The following ERBIN variants were observed in gnomAD, a reference collection of about 807,000 sequenced individuals.
ERBIN encodes the protein erbb2 interacting protein.
A neutral mutation model predicts 158.4 loss-of-function variants in ERBIN; 60 were observed. The ratio of observed to expected loss-of-function variants is 0.38; its 90% CI spans 0.31 to 0.47. The LOEUF is 0.47. ERBIN is among the 20% of genes least tolerant of loss of function. The pLI, the probability that ERBIN is intolerant of heterozygous loss-of-function variation, is 0.99. For missense variants in ERBIN, 1,610 were observed against 1,648.0 expected (o/e 0.98, Z 0.40); for synonymous variants, 594 against 557.2 (o/e 1.07, Z -0.93).
At chr5:65,952,812 T>G (rs1294583183) in intron 1 of ERBIN, among the ~76,000 whole-genome samples, 15 of 152,240 alleles carry the variant, frequency 9.9e-5, no homozygotes, top group Admixed American at 4.6e-4. Flanking sequence ...ATGCTTTATT[T>G]AGATTGAGAT....
chr5:65,969,498 G>A lies in ERBIN; in HGVS notation c.-57-19137G>A, dbSNP rs563907246. On this transcript the variant is annotated intron_variant, in intron 1 of 25. Transcript: ENST00000284037. ...TAAAGAATCTGAGATTGAAGAGGTA[G>A]TGTGTTCAGGATTACAGAATGATAA... 3.3e-5 allele frequency among the ~76,000 whole-genome samples: 5 copies of A among 152,278 alleles called. No individual in the cohort carries two copies. In the South Asian group the frequency reaches 1.0e-3, roughly 32 times the overall value.
chr5:65,951,862 A>AT (rs1294115487), intron 1 of ERBIN, among the ~76,000 whole-genome samples: 1 of 152,216 alleles, frequency 6.6e-6, no homozygotes, highest in Non-Finnish European at 1.5e-5. Flanking sequence ...AGGTTGTATC[A>AT]TGACTGATTC....
intron 18 of ERBIN, 128 bp downstream of exon 18, chr5:66,046,666 A>G (rs1481756934): frequency 2.9e-6 from 2 of 681,114 alleles, no homozygotes; most frequent in Non-Finnish European, 4.6e-6. Context: ...GAAATTTCAT[A>G]TCTGCAAAAA....
intron 1 of ERBIN, among the ~76,000 whole-genome samples, chr5:65,939,029 T>C (rs575891277): frequency 1.3e-5 from 2 of 152,242 alleles, no homozygotes; most frequent in African/African-American, 4.8e-5. Flanking sequence ...TAGTATTTAG[T>C]GTGATGTACA....
At chr5:66,019,787 G>A (rs1341856026) in intron 7 of ERBIN, among the ~76,000 whole-genome samples, 1 of 151,938 alleles carries the variant, frequency 6.6e-6, no homozygotes, top group Admixed American at 6.6e-5. Flanking sequence ...AAACTGTTAT[G>A]CCATTGACAT....
intron 1 of ERBIN, among the ~76,000 whole-genome samples, chr5:65,978,908 A>AGTATTTG (rs922650257): frequency 1.3e-5 from 2 of 152,230 alleles, no homozygotes; most frequent in Admixed American, 6.5e-5. Context: ...GAACCAAAAA[A>AGTATTTG]GTATTTGGAA....
intron 17 of ERBIN, among the ~76,000 whole-genome samples, chr5:66,045,205 C>G (rs1440767373): frequency 6.6e-6 from 1 of 151,830 alleles, no homozygotes; most frequent in South Asian, 2.1e-4. Context: ...GGTGACAGAG[C>G]GAGACCCTGT....
At chr5:66,061,999 G>A (rs1429322569) in intron 21 of ERBIN, among the ~76,000 whole-genome samples, 1 of 152,076 alleles carries the variant, frequency 6.6e-6, no homozygotes, top group Non-Finnish European at 1.5e-5. Context: ...TTTCAACTTT[G>A]GTGAATCTGA....
At chr5:65,957,214 A>AT (rs1747252862) in intron 1 of ERBIN, among the ~76,000 whole-genome samples, 1 of 145,366 alleles carries the variant, frequency 6.9e-6, no homozygotes, top group African/African-American at 2.8e-5. Context: ...TTAAATTTTT[A>AT]TTTTATTTTA....
intron 13 of ERBIN, 76 bp from the exon 14 acceptor site, chr5:66,028,198 C>G: frequency 9.1e-7 from 1 of 1,101,400 alleles, no homozygotes; most frequent in Non-Finnish European, 1.3e-6. Flanking sequence ...TTCAGAAAAC[C>G]TTTAGGTTGA....
At chr5:66,071,676 GA>G (rs11365733) in intron 21 of ERBIN, among the ~76,000 whole-genome samples, 6,048 of 149,334 alleles carry the variant, frequency 0.04, 409 homozygotes, top group African/African-American at 0.14. Flanking sequence ...AAATTTAGGG[GA>G]AAAAAATCCC....
chr5:65,956,640 A>C (rs1345863052), intron 1 of ERBIN, among the ~76,000 whole-genome samples: 1 of 151,692 alleles, frequency 6.6e-6, no homozygotes, highest in Non-Finnish European at 1.5e-5. Context: ...TCAGACTCCC[A>C]AAGTGTTGGG....
chr5:65,962,312 T>A (rs924671138), intron 1 of ERBIN, among the ~76,000 whole-genome samples: 1 of 152,196 alleles, frequency 6.6e-6, no homozygotes, highest in African/African-American at 2.4e-5. Flanking sequence ...ATTGGGAAAT[T>A]GGAGAAATTG....
At chr5:65,956,319 T>C (rs1329596610) in intron 1 of ERBIN, among the ~76,000 whole-genome samples, 3 of 151,992 alleles carry the variant, frequency 2.0e-5, no homozygotes, top group African/African-American at 4.8e-5. Context: ...TTCATTTACT[T>C]ATCTTTTCAC....
At chr5:65,969,855 T>G (rs911521552) in intron 1 of ERBIN, among the ~76,000 whole-genome samples, 1 of 152,226 alleles carries the variant, frequency 6.6e-6, no homozygotes, top group Non-Finnish European at 1.5e-5. Flanking sequence ...AGCTTTTCAG[T>G]TCTGTTTGTT....
Position 65,961,961 on chromosome 5 carries a change from CAG to C in ERBIN, c.-57-26669_-57-26668del, listed in dbSNP as rs1023770298. Among the ~76,000 whole-genome samples, 4 of 152,056 alleles carry C rather than the reference CAG, an allele frequency of 2.6e-5. No homozygotes were observed. The East Asian group carries it at 5.8e-4, about 22-fold the overall frequency. On this transcript the variant is annotated intron_variant, in intron 1 of 25. Transcript: ENST00000284037. ...AAGCTAGTTGTCTGACATTTTTTAC[CAG>C]AGAGTTGTTGTAAAACCAAGTAAGG... is the stretch of plus-strand genomic sequence containing the variant.
intron 1 of ERBIN, among the ~76,000 whole-genome samples, chr5:65,977,195 C>A (rs1185213260): frequency 1.4e-5 from 2 of 139,294 alleles, no homozygotes; most frequent in Non-Finnish European, 3.1e-5. Context: ...GGGCGGGGGG[C>A]TGACCCCCCC....
chr5:66,019,561 AT>A (rs1441759381), intron 7 of ERBIN, among the ~76,000 whole-genome samples: 1 of 152,168 alleles, frequency 6.6e-6, no homozygotes, highest in Non-Finnish European at 1.5e-5. Context: ...TATTTCTGAG[AT>A]TTCTAAAGTG....
chr5:66,026,247 GT>G, intron 12 of ERBIN, 54 bp from the exon 13 acceptor site: 1 of 1,094,040 alleles, frequency 9.1e-7, no homozygotes, highest in Non-Finnish European at 1.3e-6. Flanking sequence ...TTTTTTATAT[GT>G]TGATCAACCT....
Sources: allele counts gnomAD v4.1 joint callset (sites outside exome capture counted in the v4.1 genomes callset), GRCh38; gene constraint gnomAD v4.1.1; transcripts MANE v1.5; gene names NCBI Gene and HGNC (gene_info 2026-07-23, HGNC 2026-07-21).